SHTN1: variants seen among roughly 807,000 people sequenced by gnomAD.
SHTN1 encodes the protein shootin 1, also known as shootin-1.
Under a neutral mutation model 83.1 loss-of-function variants are expected in SHTN1, and 42 were observed. The ratio of observed to expected loss-of-function variants is 0.51; its 90% CI spans 0.39 to 0.65. SHTN1 has a LOEUF of 0.65. Among genes scored for constraint, SHTN1 ranks in the 30% least tolerant of loss-of-function variants. The pLI, the probability that SHTN1 is intolerant of heterozygous loss-of-function variation, is 0.00. For synonymous variants in SHTN1, 224 were observed against 247.7 expected, an observed-to-expected ratio of 0.90 and a Z score of 0.90; for missense variants, 622 against 737.8, an observed-to-expected ratio of 0.84 and a Z score of 1.82.
chr10:116,949,031 CA>C, intron 6 of SHTN1, 34 bp from the exon 7 acceptor site: 1 of 1,485,986 alleles, frequency 6.7e-7, no homozygotes, highest in Non-Finnish European at 8.9e-7. Context: ...GAGAAAACAC[CA>C]AAAATTGTAA....
At chr10:116,937,461 C>A (rs988434833) in intron 9 of SHTN1, among the ~76,000 whole-genome samples, 12 of 152,110 alleles carry the variant, frequency 7.9e-5, no homozygotes, top group Admixed American at 7.2e-4. Flanking sequence ...GTTGAAAATT[C>A]TTGTCTTTAA....
At chr10:116,974,608 T>C (rs918217263) in intron 2 of SHTN1, among the ~76,000 whole-genome samples, 1 of 152,220 alleles carries the variant, frequency 6.6e-6, no homozygotes, top group East Asian at 1.9e-4. Context: ...ACTGTTACAG[T>C]AGCTCACCCA....
chr10:116,946,481 AAT>A lies in SHTN1; in HGVS notation c.617-1465_617-1464del, dbSNP rs1294542788. Among the ~76,000 whole-genome samples, 12 of 144,996 alleles carry A rather than the reference AAT, an allele frequency of 8.3e-5. No individual in the cohort carries two copies. The South Asian group carries it at 2.3e-3, about 28-fold the overall frequency. On this transcript the variant is annotated intron_variant, in intron 7 of 16. Coordinates refer to ENST00000355371, the MANE Select transcript of SHTN1 (RefSeq NM_001127211.3). ...TGTATATACATATGTATAAAATGTA[AAT>A]ATTTTATATATAAATATATAAAATG... is the stretch of plus-strand genomic sequence containing the variant.
intron 1 of SHTN1, among the ~76,000 whole-genome samples, chr10:117,059,494 G>C (rs766725459): frequency 6.6e-6 from 1 of 152,244 alleles, no homozygotes; most frequent in African/African-American, 2.4e-5. Flanking sequence ...CAAGTGAATC[G>C]CTAAGTACAC....
At chr10:117,008,690 G>C (rs1852057190), upstream of SHTN1, among the ~76,000 whole-genome samples, 1 of 152,178 alleles carries the variant, frequency 6.6e-6, no homozygotes, top group Non-Finnish European at 1.5e-5. Context: ...CTGAGGTGGG[G>C]TGAAAGTAGG....
At chr10:117,123,517 T>G (rs921435015) in intron 1 of SHTN1, among the ~76,000 whole-genome samples, 2 of 152,134 alleles carry the variant, frequency 1.3e-5, no homozygotes, top group Admixed American at 6.5e-5. Flanking sequence ...CCCCTGACCT[T>G]GGGGGTCACC....
Position 116,954,073 on chromosome 10 carries a change from A to G in SHTN1, c.405T>C (p.Cys135=). 6.2e-7 allele frequency: 1 copy of G among 1,612,744 alleles called. No homozygotes were observed. The highest frequency in any genetic ancestry group is 1.3e-5 in the African/African-American group (1 of 74,954). ...TTDTDGAAET[C]VSVQCQKQIK... is the part of the protein sequence containing the mutation. ...TTTGCTTCTGACACTGTACTGAGACACAAGTCTCGGCGGCACCGTCTGTGT... is the reference window on the plus strand; with the variant it reads ...TTTGCTTCTGACACTGTACTGAGACGCAAGTCTCGGCGGCACCGTCTGTGT... The change falls in exon 5 of 17, where the codon TGT becomes TGC. Residue 135 remains cysteine (C), a synonymous_variant. Coordinates refer to ENST00000355371, the MANE Select transcript of SHTN1 (RefSeq NM_001127211.3).
chr10:116,940,418 T>C, intron 9 of SHTN1, 48 bp downstream of exon 9: 2 of 1,575,952 alleles, frequency 1.3e-6, no homozygotes, highest in Non-Finnish European at 1.7e-6. Context: ...TATGTGTGTA[T>C]GCATGTATGT....
chr10:117,111,166 C>T (rs1003549297), intron 1 of SHTN1, among the ~76,000 whole-genome samples: 36 of 151,988 alleles, frequency 2.4e-4, no homozygotes, highest in African/African-American at 7.0e-4. Context: ...CCACTGCTCT[C>T]CAGCCTGGGC....
chr10:117,009,499 G>A (rs1564929724), upstream of SHTN1, among the ~76,000 whole-genome samples: 1 of 152,016 alleles, frequency 6.6e-6, no homozygotes, highest in Admixed American at 6.6e-5. Flanking sequence ...AAGAGAGTTG[G>A]GGTGGTTATA....
chr10:117,052,024 A>ATATATATAT (rs1417984142), intron 1 of SHTN1, among the ~76,000 whole-genome samples: 8 of 130,448 alleles, frequency 6.1e-5, no homozygotes, highest in Non-Finnish European at 8.4e-5. Flanking sequence ...ATATATATAG[A>ATATATATAT]AAAGCCTAAG....
chr10:117,017,218 G>A (rs978768236), intron 2 of SHTN1, among the ~76,000 whole-genome samples: 1 of 152,160 alleles, frequency 6.6e-6, no homozygotes, highest in African/African-American at 2.4e-5. Context: ...AAGGCCGGGC[G>A]CGGTGGCTCA....
intron 2 of SHTN1, among the ~76,000 whole-genome samples, chr10:116,971,766 T>TA (rs373716182): frequency 1.8e-4 from 28 of 152,358 alleles, no homozygotes; most frequent in Middle Eastern, 3.4e-3. Context: ...AGATGTCTTG[T>TA]AAAAAACTGT....
intron 1 of SHTN1, among the ~76,000 whole-genome samples, chr10:116,996,624 A>T (rs1851636391): frequency 6.6e-6 from 1 of 152,322 alleles, no homozygotes; most frequent in South Asian, 2.1e-4. Flanking sequence ...TCTAAACATT[A>T]ACCTTGCTTT....
intron 16 of SHTN1, among the ~76,000 whole-genome samples, chr10:116,897,710 C>G (rs1311804421): frequency 6.6e-6 from 1 of 152,160 alleles, no homozygotes; most frequent in South Asian, 2.1e-4. Flanking sequence ...AATTTACACA[C>G]CAGGAAATTC....
chr10:116,960,005 A>C, intron 4 of SHTN1, 131 bp downstream of exon 4: 1 of 572,830 alleles, frequency 1.7e-6, no homozygotes, highest in Non-Finnish European at 3.1e-6. Flanking sequence ...AGGCCTTTTA[A>C]CATTTCCCTC....
At chr10:116,922,274 T>C (rs1450818388) in intron 11 of SHTN1, among the ~76,000 whole-genome samples, 1 of 152,136 alleles carries the variant, frequency 6.6e-6, no homozygotes, top group Non-Finnish European at 1.5e-5. Flanking sequence ...GATATCACTA[T>C]ACATTCATCA....
chr10:116,928,229 G>A (rs1272592916), intron 10 of SHTN1, among the ~76,000 whole-genome samples: 3 of 152,128 alleles, frequency 2.0e-5, no homozygotes, highest in Non-Finnish European at 2.9e-5. Context: ...CAAACACTAA[G>A]AAATTGTTAA....
At chr10:117,072,371 C>T (rs1853094184) in intron 1 of SHTN1, among the ~76,000 whole-genome samples, 1 of 152,080 alleles carries the variant, frequency 6.6e-6, no homozygotes, top group Admixed American at 6.6e-5. Flanking sequence ...TAGAGGCCCA[C>T]ATCGTGAATT....
Sources: gnomAD v4.1 joint callset for allele counts (sites outside exome capture counted in the v4.1 genomes callset) on GRCh38, gnomAD v4.1.1 for gene constraint, MANE v1.5 for transcripts, NCBI Gene and HGNC (gene_info 2026-07-23, HGNC 2026-07-21) for gene names.